Variants in KIF24 observed in about 807,000 individuals in gnomAD.
KIF24 encodes kinesin family member 24.
KIF24 carries 81 observed loss-of-function variants against 118.9 expected under a neutral mutation model. The ratio of observed to expected loss-of-function variants is 0.68; its 90% confidence interval spans 0.57 to 0.82. The LOEUF is 0.82. Among genes scored for constraint, KIF24 ranks in the 40% least tolerant of loss-of-function variants. The probability of loss-of-function intolerance (pLI) is 0.00; values close to 1 mark genes in which losing one functional copy is unlikely to be tolerated. For missense variants in KIF24, 1,560 were observed against 1,661.6 expected (o/e 0.94, Z 1.06); for synonymous variants, 599 against 610.0 (o/e 0.98, Z 0.27).
chr9:34,289,177 T>C (rs1205378268), intron 5 of KIF24, among the ~76,000 whole-genome samples: 1 of 152,178 alleles, frequency 6.6e-6, no homozygotes, highest in Non-Finnish European at 1.5e-5. Context: ...GGAATAGTTA[T>C]AGGAGAGAGG....
At chr9:34,258,083 G>A (rs1834927166) in intron 10 of KIF24, 102 bp from the exon 11 acceptor site, 1 of 876,520 alleles carries the variant, frequency 1.1e-6, no homozygotes, top group Non-Finnish European at 1.8e-6. Flanking sequence ...AGTATTACAA[G>A]GATTGGGAGT....
intron 6 of KIF24, among the ~76,000 whole-genome samples, chr9:34,277,252 G>T (rs1835690273): frequency 6.6e-6 from 1 of 152,020 alleles, no homozygotes. Context: ...GAAAAGACAA[G>T]GGAGGTCTTA....
At position 34,253,332 on chromosome 9, in the gene KIF24, T is replaced by C. The variant is rs1002886634; in HGVS notation, c.*1048A>G. The C allele has an allele frequency of 3.3e-5, 5 of 150,792 alleles. No homozygotes were observed. The highest frequency in any genetic ancestry group is 9.7e-5 in the African/African-American group (4 of 41,348). 9.3% of individuals were successfully genotyped at this position (150,792 alleles called of 1,614,324 possible). On this transcript the variant is annotated 3_prime_UTR_variant, in exon 13 of 13. Transcript: ENST00000402558. ...TTGACCCAGAGTGGCTTTAAAGTAA[T>C]TGGCACCTGGAGGCTACTTTGTCTT...
intron 1 of KIF24, among the ~76,000 whole-genome samples, chr9:34,314,742 A>G (rs1355848640): frequency 2.0e-5 from 3 of 152,240 alleles, no homozygotes; most frequent in African/African-American, 7.2e-5. Flanking sequence ...AATGTTATTC[A>G]TTACAGCACA....
chr9:34,306,788 C>T (rs572004350), intron 2 of KIF24, among the ~76,000 whole-genome samples: 2 of 151,722 alleles, frequency 1.3e-5, no homozygotes, highest in South Asian at 2.1e-4. Flanking sequence ...GGCGACAGAG[C>T]CAGATTCTGT....
At position 34,318,747 on chromosome 9, in the gene KIF24, T is replaced by C. The variant is rs960297567; in HGVS notation, c.-25-7376A>G. 5 of 1,510,556 alleles carry C rather than the reference T, an allele frequency of 3.3e-6. No homozygotes were observed. Among genetic ancestry groups the C allele is most frequent in the Non-Finnish European group, 4.5e-6 (5 of 1,100,174 alleles). The allele number at this position is 1,510,556 out of a possible 1,614,324, so 93.6% of individuals were successfully genotyped here. ...GTGCACGCCGGCGTGGGCGAGCCGC[T>C]GCGTTCACTCAGCAACTCCACCGCG... is the stretch of plus-strand genomic sequence containing the variant. On this transcript the variant is annotated intron_variant, in intron 1 of 12. Coordinates refer to ENST00000402558, the MANE Select transcript of KIF24 (RefSeq NM_194313.4). This position sits in a 1 kb window ranked among gnomAD's most constrained non-coding sequence, Gnocchi z 4.9.
Position 34,254,262 on chromosome 9 carries a change from G to T in KIF24, c.*118C>A. ...TGGGGCTGGGGTGACGCTAGCATAG[G>T]CAGGACCAGCGTGTGGGTTCTGGTG... On this transcript the variant is annotated 3_prime_UTR_variant, in exon 13 of 13. Coordinates refer to ENST00000402558, the MANE Select transcript of KIF24 (RefSeq NM_194313.4). 1.7e-6 allele frequency: 2 copies of T among 1,167,826 alleles called. No homozygotes were observed. The highest frequency in any genetic ancestry group is 2.3e-6 in the Non-Finnish European group (2 of 864,348). 72.3% of individuals were successfully genotyped at this position (1,167,826 alleles called of 1,614,324 possible).
intron 8 of KIF24, among the ~76,000 whole-genome samples, chr9:34,267,330 T>C (rs989189728): frequency 6.6e-6 from 1 of 152,104 alleles, no homozygotes; most frequent in African/African-American, 2.4e-5. Context: ...ATAGAGAAAT[T>C]AGGCTGACAA....
At chr9:34,322,769 C>T (rs906491202) in intron 1 of KIF24, among the ~76,000 whole-genome samples, 4 of 152,006 alleles carry the variant, frequency 2.6e-5, no homozygotes, top group African/African-American at 7.2e-5. Context: ...TTGCGGGGTA[C>T]TGCTTGAGCC....
intron 4 of KIF24, among the ~76,000 whole-genome samples, chr9:34,291,703 C>T (rs183884935): frequency 6.6e-5 from 10 of 151,946 alleles, no homozygotes; most frequent in African/African-American, 1.9e-4. Context: ...CCACACAGTG[C>T]TAAGTAGAGA....
chr9:34,283,030 C>T (rs1361211806), intron 6 of KIF24, among the ~76,000 whole-genome samples: 4 of 115,962 alleles, frequency 3.4e-5, no homozygotes, highest in Non-Finnish European at 4.9e-5. Context: ...CCAGCGTGGG[C>T]GACAAGAGCA....
In KIF24 at chr9:34,318,547, C is replaced by T. The variant is rs910305680; in HGVS notation, c.-25-7176G>A. ...CAGCCACGCTGGCCGAACACAGCGC[C>T]GGCCTGGCCTTCAGCCTGTACCAGG... is the stretch of plus-strand genomic sequence containing the variant. On this transcript the variant is annotated intron_variant, in intron 1 of 12. Coordinates refer to ENST00000402558, the MANE Select transcript of KIF24 (RefSeq NM_194313.4). This position sits in a 1 kb window ranked among gnomAD's most constrained non-coding sequence, Gnocchi z 4.9. 2.6e-5 allele frequency: 28 copies of T among 1,083,822 alleles called. 1 individual carries two copies. The Admixed American group carries it at 3.4e-4, about 13-fold the overall frequency. The allele number at this position is 1,083,822 out of a possible 1,614,324, so 67.1% of individuals were successfully genotyped here. A position where few individuals can be genotyped will look rare whatever the true frequency, so the allele number is the denominator to read the frequency against.
At chr9:34,283,428 A>G (rs1462557973) in intron 6 of KIF24, among the ~76,000 whole-genome samples, 1 of 152,168 alleles carries the variant, frequency 6.6e-6, no homozygotes, top group African/African-American at 2.4e-5. Flanking sequence ...ATATCTCAAT[A>G]AGAAAATTAT....
At chr9:34,259,364 C>T (rs1834969469) in intron 10 of KIF24, among the ~76,000 whole-genome samples, 2 of 152,214 alleles carry the variant, frequency 1.3e-5, no homozygotes, top group Admixed American at 1.3e-4. Flanking sequence ...TGTCATTTTC[C>T]TCTTGTCATG....
At chr9:34,262,960 T>G (rs1835150053) in intron 9 of KIF24, 141 bp downstream of exon 9, 1 of 648,380 alleles carries the variant, frequency 1.5e-6, no homozygotes, top group Non-Finnish European at 2.8e-6. Flanking sequence ...GGATGGAATT[T>G]CACTCCTCTC....
chr9:34,319,484 C>G, intron 1 of KIF24: 1 of 1,290,126 alleles, frequency 7.8e-7, no homozygotes, highest in Middle Eastern at 1.8e-4. Context: ...TGGACACAGA[C>G]GGCAACTCCT....
chr9:34,320,015 G>A (rs1041583734), intron 1 of KIF24, among the ~76,000 whole-genome samples: 10 of 152,078 alleles, frequency 6.6e-5, no homozygotes, highest in Non-Finnish European at 1.3e-4. Context: ...GGGTCAGCCA[G>A]CCCTCTTCTC....
chr9:34,278,240 C>T (rs2131721890), intron 6 of KIF24, among the ~76,000 whole-genome samples: 1 of 152,254 alleles, frequency 6.6e-6, no homozygotes, highest in East Asian at 1.9e-4. Flanking sequence ...GAAACCCCAT[C>T]TCTACTAAAA....
intron 1 of KIF24, among the ~76,000 whole-genome samples, chr9:34,311,795 C>CAT (rs888761617): frequency 7.8e-5 from 10 of 128,024 alleles, no homozygotes; most frequent in Non-Finnish European, 1.3e-4. Context: ...TATACACACA[C>CAT]ATATATATAT....
Sources: gnomAD v4.1 joint callset for allele counts (sites outside exome capture counted in the v4.1 genomes callset) on GRCh38, gnomAD v4.1.1 for gene constraint, Gnocchi (gnomAD v3.1) non-coding constraint, MANE v1.5 for transcripts, NCBI Gene and HGNC (gene_info 2026-07-23, HGNC 2026-07-21) for gene names.